The following MYO18B variants were observed in gnomAD, a reference collection of about 807,000 sequenced individuals.
MYO18B encodes unconventional myosin-XVIIIb.
In MYO18B, 204 loss-of-function variants were observed where a neutral mutation model predicts 273.0. That is an observed-to-expected ratio of 0.75 (90% confidence interval 0.67 to 0.84). The LOEUF (loss-of-function observed/expected upper bound fraction) is 0.84, where lower values mean the gene tolerates loss of function less well. Ranked by LOEUF, MYO18B falls within the 40% of genes least tolerant of loss-of-function variation. The pLI, the probability that MYO18B is intolerant of heterozygous loss-of-function variation, is 0.00. For missense variants in MYO18B, 3,212 were observed against 3,287.6 expected, an observed-to-expected ratio of 0.98 and a Z score of 0.56; for synonymous variants, 1,330 against 1,305.7, an observed-to-expected ratio of 1.02 and a Z score of -0.40.
At chr22:25,744,680 G>C (rs1034258402) in intron 1 of MYO18B, among the ~76,000 whole-genome samples, 3 of 152,306 alleles carry the variant, frequency 2.0e-5, no homozygotes, top group Non-Finnish European at 4.4e-5. Context: ...CTTGCAGTGA[G>C]CCGAGATCAC....
At chr22:25,857,759 T>G (rs2090616500) in intron 21 of MYO18B, among the ~76,000 whole-genome samples, 1 of 152,214 alleles carries the variant, frequency 6.6e-6, no homozygotes, top group African/African-American at 2.4e-5. Flanking sequence ...GTTCAAGTGA[T>G]TCTCCTGCCT....
chr22:25,954,912 G>A (rs2146645094), intron 38 of MYO18B, among the ~76,000 whole-genome samples: 2 of 152,268 alleles, frequency 1.3e-5, no homozygotes, highest in Admixed American at 1.3e-4. Context: ...ATTTCGCCAT[G>A]TTGGCCAGGC....
chr22:26,061,490 C>T, the MYO18B span, among the ~76,000 whole-genome samples: 1 of 151,966 alleles, frequency 6.6e-6, no homozygotes, highest in African/African-American at 2.4e-5. Context: ...CTAAGGAGTC[C>T]TTGCTACAAT....
At chr22:25,772,850 A>G (rs2086771971) in intron 7 of MYO18B, among the ~76,000 whole-genome samples, 1 of 152,238 alleles carries the variant, frequency 6.6e-6, no homozygotes. Flanking sequence ...ACCTGAAAAC[A>G]CAGGTACTGT....
In MYO18B at chr22:25,769,122, C is replaced by A. The variant is rs768901054; in HGVS notation, c.1206C>A (p.Ser402=). The A allele has an allele frequency of 4.3e-6, 7 of 1,613,398 alleles. No individual in the cohort carries two copies. The highest frequency in any genetic ancestry group is 5.9e-6 in the Non-Finnish European group (7 of 1,179,710). Residue 402 remains serine (S), a synonymous_variant, in exon 4 of 44, where the codon TCC becomes TCA. Transcript: ENST00000335473. ...KEKMGQPQGK[S]GNAGEARSQT... ...AGATGGGGCAACCCCAGGGTAAGTC[C>A]GGGAACGCAGGTGAAGCTCGGAGTC...
chr22:25,778,424 A>G (rs1357740057), intron 8 of MYO18B, among the ~76,000 whole-genome samples: 1 of 152,122 alleles, frequency 6.6e-6, no homozygotes, highest in Non-Finnish European at 1.5e-5. Context: ...TAACCATCAG[A>G]GTAAATGCTT....
chr22:25,972,666 G>A (rs1159612735), intron 39 of MYO18B, among the ~76,000 whole-genome samples: 2 of 152,138 alleles, frequency 1.3e-5, no homozygotes, highest in Admixed American at 1.3e-4. Context: ...GGTTAGAGAC[G>A]AGATCTCGGC....
chr22:25,969,981 C>G (rs1318766686), intron 39 of MYO18B, among the ~76,000 whole-genome samples: 1 of 152,098 alleles, frequency 6.6e-6, no homozygotes, highest in Non-Finnish European at 1.5e-5. Context: ...TCTTCTTCAT[C>G]ACCACCACCA....
chr22:25,762,721 A>C (rs995692290), intron 2 of MYO18B, among the ~76,000 whole-genome samples: 27 of 152,296 alleles, frequency 1.8e-4, no homozygotes, highest in African/African-American at 6.3e-4. Flanking sequence ...TCAGGTCCTT[A>C]TATAAGTCAT....
intron 36 of MYO18B, among the ~76,000 whole-genome samples, chr22:25,948,516 C>T (rs2092752246): frequency 8.2e-6 from 1 of 121,482 alleles, no homozygotes; most frequent in Admixed American, 9.8e-5. Context: ...TTTTCTCTTT[C>T]CTTCTTTCTT....
chr22:26,000,404 A>G (rs1362337995), intron 40 of MYO18B, among the ~76,000 whole-genome samples: 2 of 152,050 alleles, frequency 1.3e-5, no homozygotes, highest in Non-Finnish European at 2.9e-5. Context: ...CACACTTTAC[A>G]TGGGGTCTCC....
At position 25,955,207 on chromosome 22, in the gene MYO18B, T is replaced by G; in HGVS notation, c.5999T>G (p.Leu2000Arg). 2.5e-6 allele frequency: 4 copies of G among 1,612,462 alleles called. No homozygotes were observed. The highest frequency in any genetic ancestry group is 3.4e-6 in the Non-Finnish European group (4 of 1,179,302). Residue 2000 changes from leucine (L) to arginine (R), a missense_variant, in exon 39 of 44, where the codon CTG (leucine) becomes CGG (arginine). Transcript: ENST00000335473. ...EVLVIRLRDS[L>R]IKMGEELSQA... ...CTGGTGATCCGGCTTCGGGACAGCC[T>G]GATCAAGATGGGGGAGGAGCTTTCA...
intron 25 of MYO18B, among the ~76,000 whole-genome samples, chr22:25,888,648 CT>C (rs2091572427): frequency 9.4e-6 from 1 of 106,948 alleles, no homozygotes; most frequent in South Asian, 2.4e-4. Flanking sequence ...CAAGAGAAAG[CT>C]CCCATGCTGG....
Position 26,026,428 on chromosome 22 carries a change from T to C in MYO18B, c.6471-17T>C. 6.3e-7 allele frequency: 1 copy of C among 1,586,310 alleles called. No individual in the cohort carries two copies. Among genetic ancestry groups the C allele is most frequent in the Non-Finnish European group, 8.6e-7 (1 of 1,165,156 alleles). ...ATTGCACAATTTCTACAGACTGCAT[T>C]TTTCTTCTTGGCACAGGATAAACGA... On this transcript the variant is annotated splice_polypyrimidine_tract_variant and intron_variant, in intron 42 of 43. Transcript: ENST00000335473.
chr22:25,863,348 C>T (rs887534916), intron 21 of MYO18B, among the ~76,000 whole-genome samples: 1 of 152,126 alleles, frequency 6.6e-6, no homozygotes, highest in Non-Finnish European at 1.5e-5. Context: ...TCTACTGTTT[C>T]CCCTCACCCT....
intron 14 of MYO18B, among the ~76,000 whole-genome samples, chr22:25,828,399 A>G (rs1390807461): frequency 6.6e-6 from 1 of 152,184 alleles, no homozygotes; most frequent in African/African-American, 2.4e-5. Flanking sequence ...AATTTTGTAA[A>G]CTGATGTATT....
Position 25,761,073 on chromosome 22 carries a change from G to A in MYO18B, c.-20G>A, listed in dbSNP as rs146287297. ...GCTCCATCTCATCTCATCATCTCAC[G>A]GCCCTGGCACTGCCTCAGCATGGCC... On this transcript the variant is annotated 5_prime_UTR_variant, in exon 2 of 44. Coordinates refer to ENST00000335473, the MANE Select transcript of MYO18B (RefSeq NM_032608.7). 8.1e-5 allele frequency: 131 copies of A among 1,613,154 alleles called. No homozygotes were observed. The East Asian group carries it at 1.2e-3, about 15-fold the overall frequency.
At chr22:25,762,352 A>G (rs560938191) in intron 2 of MYO18B, among the ~76,000 whole-genome samples, 6 of 152,386 alleles carry the variant, frequency 3.9e-5, no homozygotes, top group Admixed American at 1.3e-4. Context: ...ATACATGCAC[A>G]GAGGTTCTTG....
chr22:26,027,161 G>A lies in MYO18B; in HGVS notation c.7187G>A (p.Cys2396Tyr), dbSNP rs1388929499. ...GAGTCCTCTGTGGACGATGCGGGCT[G>A]TCCAGACCTTGGAAAGGAGCCGCTT... ...CLESSVDDAG[C>Y]PDLGKEPLVF... The change falls in exon 43 of 44, where the codon TGT becomes TAT. Residue 2396 changes from cysteine (C) to tyrosine (Y), a missense_variant. By Grantham distance (194) the Cys-to-Tyr change is radical. Transcript: ENST00000335473. This position sits in a 1 kb window ranked among gnomAD's most constrained non-coding sequence, Gnocchi z 4.1. 6.2e-7 allele frequency: 1 copy of A among 1,614,008 alleles called. No individual in the cohort carries two copies. Among genetic ancestry groups the A allele is most frequent in the East Asian group, 2.2e-5 (1 of 44,872 alleles).
Sources: gnomAD v4.1 joint callset for allele counts (sites outside exome capture counted in the v4.1 genomes callset) on GRCh38, gnomAD v4.1.1 for gene constraint, Gnocchi (gnomAD v3.1) non-coding constraint, MANE v1.5 for transcripts, NCBI Gene and HGNC (gene_info 2026-07-23, HGNC 2026-07-21) for gene names.